AGBL4: variants seen among roughly 807,000 people sequenced by gnomAD.
AGBL4 encodes AGBL carboxypeptidase 4.
AGBL4 carries 58 observed loss-of-function variants against 66.4 expected under a neutral mutation model. The ratio of observed to expected loss-of-function variants is 0.87; its 90% confidence interval spans 0.71 to 1.09. The LOEUF is 1.09. Ranked by LOEUF, AGBL4 falls within the 50% of genes least tolerant of loss-of-function variation. The probability of loss-of-function intolerance (pLI) is 0.00; values close to 1 mark genes in which losing one functional copy is unlikely to be tolerated. For synonymous variants in AGBL4, 234 were observed against 222.9 expected (o/e 1.05, Z -0.44); for missense variants, 579 against 631.0 (o/e 0.92, Z 0.88).
intron 3 of AGBL4, among the ~76,000 whole-genome samples, chr1:49,456,049 A>G (rs1409900842): frequency 2.6e-5 from 4 of 151,808 alleles, no homozygotes; most frequent in African/African-American, 9.7e-5. Flanking sequence ...GCTAACATTC[A>G]AATCACACAT....
intron 6 of AGBL4, among the ~76,000 whole-genome samples, chr1:48,812,674 G>A (rs1646079025): frequency 1.3e-5 from 2 of 151,998 alleles, no homozygotes; most frequent in African/African-American, 4.8e-5. Flanking sequence ...TGTTTATTGC[G>A]GCACTATTCA....
chr1:49,946,620 A>G (rs1655232390), intron 1 of AGBL4, among the ~76,000 whole-genome samples: 1 of 152,028 alleles, frequency 6.6e-6, no homozygotes, highest in African/African-American at 2.4e-5. Context: ...AAGAGCCCTA[A>G]CAGACAAAGA....
At chr1:49,520,301 TATC>T (rs1650154111) in intron 3 of AGBL4, among the ~76,000 whole-genome samples, 1 of 151,924 alleles carries the variant, frequency 6.6e-6, no homozygotes, top group South Asian at 2.1e-4. Flanking sequence ...TTGAAGAAAA[TATC>T]ATCTCAAAAA....
chr1:48,740,754 A>C (rs1649789515), intron 6 of AGBL4, among the ~76,000 whole-genome samples: 1 of 152,184 alleles, frequency 6.6e-6, no homozygotes, highest in Admixed American at 6.5e-5. Flanking sequence ...GTGCAGACAG[A>C]AGGAAGGGTC....
intron 6 of AGBL4, among the ~76,000 whole-genome samples, chr1:48,670,278 T>C (rs577255539): frequency 6.6e-6 from 1 of 152,128 alleles, no homozygotes; most frequent in Non-Finnish European, 1.5e-5. Flanking sequence ...GCCTGTGAGA[T>C]CACCGAGTTA....
chr1:49,391,443 G>A (rs1475937044), intron 3 of AGBL4, among the ~76,000 whole-genome samples: 1 of 152,096 alleles, frequency 6.6e-6, no homozygotes. Context: ...ATGGCCTGAA[G>A]TGAACAAAGA....
At chr1:48,637,127 T>A (rs1317897756) in intron 8 of AGBL4, among the ~76,000 whole-genome samples, 1 of 152,260 alleles carries the variant, frequency 6.6e-6, no homozygotes, top group Non-Finnish European at 1.5e-5. Flanking sequence ...AATGAGCTAA[T>A]GCATAGGTTT....
intron 9 of AGBL4, among the ~76,000 whole-genome samples, chr1:48,630,209 C>T (rs1162595245): frequency 6.6e-6 from 1 of 152,128 alleles, no homozygotes; most frequent in African/African-American, 2.4e-5. Flanking sequence ...ACCCAATGTC[C>T]CCAAGAGGGG....
At chr1:49,021,647 G>T (rs1663260451) in intron 5 of AGBL4, among the ~76,000 whole-genome samples, 1 of 152,122 alleles carries the variant, frequency 6.6e-6, no homozygotes, top group African/African-American at 2.4e-5. Context: ...AAAAATTCCG[G>T]TTTTTAATAA....
At chr1:49,263,657 T>C (rs1372986314) in intron 3 of AGBL4, among the ~76,000 whole-genome samples, 1 of 152,156 alleles carries the variant, frequency 6.6e-6, no homozygotes, top group Non-Finnish European at 1.5e-5. Flanking sequence ...TATCAAGTAT[T>C]GGTAATTATG....
At chr1:48,844,054 T>C (rs1036817150) in intron 6 of AGBL4, among the ~76,000 whole-genome samples, 2 of 152,156 alleles carry the variant, frequency 1.3e-5, no homozygotes, top group Non-Finnish European at 2.9e-5. Flanking sequence ...TCAGTATTAG[T>C]CTCCTTCTGC....
chr1:49,405,718 G>T (rs1259131856), intron 3 of AGBL4, among the ~76,000 whole-genome samples: 1 of 152,218 alleles, frequency 6.6e-6, no homozygotes, highest in Admixed American at 6.5e-5. Context: ...GTGAGTGACA[G>T]ATTTTGGCCT....
intron 5 of AGBL4, among the ~76,000 whole-genome samples, chr1:48,961,643 T>A (rs890971502): frequency 2.0e-5 from 3 of 152,040 alleles, no homozygotes; most frequent in African/African-American, 7.2e-5. Flanking sequence ...AGTGCTGCCA[T>A]CAGCAAGAGG....
chr1:48,854,940 C>G (rs1274853442), intron 6 of AGBL4, among the ~76,000 whole-genome samples: 1 of 152,118 alleles, frequency 6.6e-6, no homozygotes, highest in Non-Finnish European at 1.5e-5. Flanking sequence ...GTCCTTTGAG[C>G]CCTGTATCAA....
chr1:48,824,210 G>A (rs1005916392), intron 6 of AGBL4, among the ~76,000 whole-genome samples: 1 of 152,194 alleles, frequency 6.6e-6, no homozygotes, highest in Admixed American at 6.5e-5. Flanking sequence ...GGCTCACAAT[G>A]GGGGAGTCAT....
chr1:48,649,799 G>A (rs950917526), intron 8 of AGBL4, among the ~76,000 whole-genome samples: 44 of 152,192 alleles, frequency 2.9e-4, no homozygotes, highest in African/African-American at 1.1e-3. Context: ...AGGAAGAGAA[G>A]GAGGAATAAA....
At position 49,851,437 on chromosome 1, in the gene AGBL4, G is replaced by C; in HGVS notation, c.116C>G (p.Pro39Arg). 9 of 1,550,034 alleles carry C rather than the reference G, an allele frequency of 5.8e-6. No homozygotes were observed. The highest frequency in any genetic ancestry group is 7.9e-6 in the Non-Finnish European group (9 of 1,146,036). ...ATCAAAGATAAGATGTCCTTTCTTG[G>C]GCTGTCCACAATAGCCAGTTGGAAG... ...IVLPTGYCGQ[P>R]KKGHLIFDAC... Residue 39 changes from proline to arginine, a missense_variant, in exon 2 of 14, where the codon CCC becomes CGC. Transcript: ENST00000371839.
chr1:48,580,624 C>T (rs1644725392), intron 11 of AGBL4, among the ~76,000 whole-genome samples: 1 of 152,182 alleles, frequency 6.6e-6, no homozygotes, highest in Non-Finnish European at 1.5e-5. Context: ...CTGAGAGTGA[C>T]TGGAGACTCA....
chr1:48,982,438 A>T (rs532474619), intron 5 of AGBL4, among the ~76,000 whole-genome samples: 1 of 151,836 alleles, frequency 6.6e-6, no homozygotes, highest in East Asian at 1.9e-4. Flanking sequence ...GAGTGAGAAC[A>T]TGAGGTGTTT....
Sources: allele counts gnomAD v4.1 joint callset (sites outside exome capture counted in the v4.1 genomes callset), GRCh38; gene constraint gnomAD v4.1.1; transcripts MANE v1.5; gene names NCBI Gene and HGNC (gene_info 2026-07-23, HGNC 2026-07-21).